The following ANKRD55 variants were observed in gnomAD, a reference collection of about 807,000 sequenced individuals.
ANKRD55 encodes ankyrin repeat domain-containing protein 55.
In ANKRD55, 41 loss-of-function variants were observed where a neutral mutation model predicts 60.6. That is an observed-to-expected ratio of 0.68 (90% CI 0.53 to 0.88). The LOEUF (loss-of-function observed/expected upper bound fraction) is 0.88. Ranked by LOEUF, ANKRD55 falls within the 40% of genes least tolerant of loss-of-function variation. The probability of loss-of-function intolerance (pLI) is 0.00; values close to 1 mark genes in which losing one functional copy is unlikely to be tolerated. For synonymous variants in ANKRD55, 264 were observed against 290.3 expected (o/e 0.91, Z 0.92); for missense variants, 732 against 767.6 (o/e 0.95, Z 0.55).
Position 56,233,297 on chromosome 5 carries a change from C to A in ANKRD55, c.-90G>T. ...CACGGAGCTTCAGCAGCTGGAATGT[C>A]GCTTTACACCAACAGAAATCTGAAT... On this transcript the variant is annotated 5_prime_UTR_variant, in exon 1 of 12. Coordinates refer to ENST00000341048, the MANE Select transcript of ANKRD55 (RefSeq NM_024669.3). 1 of 233,772 alleles carries A rather than the reference C, an allele frequency of 4.3e-6. No homozygotes were observed. Among genetic ancestry groups the A allele is most frequent in the Non-Finnish European group, 8.5e-6 (1 of 118,024 alleles). 14.5% of individuals were successfully genotyped at this position (233,772 alleles called of 1,614,324 possible).
At chr5:56,129,215 T>C (rs1757348350) in intron 7 of ANKRD55, among the ~76,000 whole-genome samples, 1 of 152,072 alleles carries the variant, frequency 6.6e-6, no homozygotes, top group African/African-American at 2.4e-5. Flanking sequence ...CAGGAGACAC[T>C]AGACAAGAAG....
intron 6 of ANKRD55, among the ~76,000 whole-genome samples, chr5:56,158,183 T>TA (rs35848942): frequency 0.18 from 26,605 of 148,382 alleles, 2,886 homozygotes; most frequent in Non-Finnish European, 0.25. Context: ...TCTGTCTATT[T>TA]AAAAAAAAAA....
intron 6 of ANKRD55, among the ~76,000 whole-genome samples, chr5:56,154,110 G>A (rs532725117): frequency 3.7e-4 from 56 of 149,466 alleles, no homozygotes; most frequent in African/African-American, 1.4e-3. Context: ...CTACTTCGGA[G>A]GCTGAGGCAG....
intron 8 of ANKRD55, among the ~76,000 whole-genome samples, chr5:56,119,632 T>C (rs1756979947): frequency 6.6e-6 from 1 of 152,184 alleles, no homozygotes; most frequent in African/African-American, 2.4e-5. Flanking sequence ...TAAAAAACCA[T>C]GGCTGAGCAC....
At chr5:56,119,277 A>T (rs531776118) in intron 8 of ANKRD55, among the ~76,000 whole-genome samples, 17 of 152,376 alleles carry the variant, frequency 1.1e-4, no homozygotes, top group African/African-American at 4.1e-4. Context: ...ATGCAACAAC[A>T]TAGATGAGTG....
At chr5:56,195,591 G>A (rs1759211164) in intron 2 of ANKRD55, among the ~76,000 whole-genome samples, 1 of 152,140 alleles carries the variant, frequency 6.6e-6, no homozygotes, top group Non-Finnish European at 1.5e-5. Context: ...TTACAGGCGT[G>A]TGCCACCATG....
intron 2 of ANKRD55, among the ~76,000 whole-genome samples, chr5:56,211,293 C>T (rs905482172): frequency 1.3e-5 from 2 of 152,214 alleles, no homozygotes; most frequent in Non-Finnish European, 2.9e-5. Flanking sequence ...AGGACCGTTT[C>T]AATGCCTGAG....
intron 7 of ANKRD55, among the ~76,000 whole-genome samples, chr5:56,135,246 C>CTTTCTTTCTTTCTTT (rs1757531550): frequency 7.3e-6 from 1 of 137,888 alleles, no homozygotes; most frequent in South Asian, 2.5e-4. Context: ...TTCCTTCCTT[C>CTTTCTTTCTTTCTTT]CTTCCTTCCT....
intron 7 of ANKRD55, among the ~76,000 whole-genome samples, chr5:56,129,808 G>A (rs550525345): frequency 2.1e-4 from 32 of 152,296 alleles, no homozygotes; most frequent in African/African-American, 6.0e-4. Context: ...TTGTGATGGT[G>A]ACCATATAAA....
At chr5:56,220,426 G>C (rs1248446487) in intron 2 of ANKRD55, among the ~76,000 whole-genome samples, 1 of 151,932 alleles carries the variant, frequency 6.6e-6, no homozygotes, top group Non-Finnish European at 1.5e-5. Context: ...TTTCTCAGGA[G>C]TTGGTTGGTT....
chr5:56,120,531 A>G (rs534438422), intron 8 of ANKRD55, among the ~76,000 whole-genome samples: 8 of 152,312 alleles, frequency 5.3e-5, no homozygotes, highest in African/African-American at 1.9e-4. Context: ...CTTCAGAGCA[A>G]AGGGAAAATA....
At chr5:56,123,198 A>T (rs1363603117) in intron 8 of ANKRD55, among the ~76,000 whole-genome samples, 1 of 152,116 alleles carries the variant, frequency 6.6e-6, no homozygotes, top group African/African-American at 2.4e-5. Flanking sequence ...AACCTTGGGC[A>T]GAAGGGCACT....
intron 4 of ANKRD55, among the ~76,000 whole-genome samples, chr5:56,173,513 C>T (rs1366551450): frequency 7.4e-6 from 1 of 134,466 alleles, no homozygotes. Context: ...TCTTATATAT[C>T]AAATAATACG....
At chr5:56,137,734 C>A (rs1297324560) in intron 7 of ANKRD55, among the ~76,000 whole-genome samples, 1 of 152,032 alleles carries the variant, frequency 6.6e-6, no homozygotes, top group Non-Finnish European at 1.5e-5. Flanking sequence ...AAAAGAATAA[C>A]AAGATAAGCC....
chr5:56,181,834 A>G (rs1280556284), intron 3 of ANKRD55, among the ~76,000 whole-genome samples: 1 of 152,144 alleles, frequency 6.6e-6, no homozygotes, highest in Non-Finnish European at 1.5e-5. Context: ...ATCTCAAGTG[A>G]TCTGCTTGCC....
At chr5:56,205,744 C>T (rs1250200818) in intron 2 of ANKRD55, among the ~76,000 whole-genome samples, 1 of 152,070 alleles carries the variant, frequency 6.6e-6, no homozygotes, top group Non-Finnish European at 1.5e-5. Context: ...ATAAAACTGC[C>T]CCTAGTGCCT....
chr5:56,101,301 G>C (rs576578764), intron 11 of ANKRD55, among the ~76,000 whole-genome samples: 3 of 152,192 alleles, frequency 2.0e-5, no homozygotes, highest in Admixed American at 2.0e-4. Flanking sequence ...TGTTATGGAC[G>C]GTGAGGAAAC....
intron 3 of ANKRD55, among the ~76,000 whole-genome samples, chr5:56,180,418 C>T (rs1758828107): frequency 6.6e-6 from 1 of 152,210 alleles, no homozygotes; most frequent in Non-Finnish European, 1.5e-5. Flanking sequence ...TTTCTATACA[C>T]ATTTTAGCTA....
intron 2 of ANKRD55, among the ~76,000 whole-genome samples, chr5:56,231,386 T>C (rs149138): frequency 0.25 from 37,684 of 152,196 alleles, 5,691 homozygotes; most frequent in East Asian, 0.77. Context: ...AAATTCATTA[T>C]GAAGAGCTAG....
Sources: gnomAD v4.1 joint callset for allele counts (sites outside exome capture counted in the v4.1 genomes callset) on GRCh38, gnomAD v4.1.1 for gene constraint, MANE v1.5 for transcripts, NCBI Gene and HGNC (gene_info 2026-07-23, HGNC 2026-07-21) for gene names.